The following HNF4G variants were observed in gnomAD, a reference collection of about 807,000 sequenced individuals.
HNF4G encodes hepatocyte nuclear factor 4-gamma.
In HNF4G, 21 loss-of-function variants were observed where a neutral mutation model predicts 50.9. The observed-to-expected ratio is 0.41, with a 90% CI of 0.29 to 0.59. The LOEUF is 0.59. Ranked by LOEUF, HNF4G falls within the 20% of genes least tolerant of loss-of-function variation. The pLI, the probability that HNF4G is intolerant of heterozygous loss-of-function variation, is 0.26. For synonymous variants in HNF4G, 198 were observed against 185.6 expected (o/e 1.07, Z -0.54); for missense variants, 527 against 559.4 (o/e 0.94, Z 0.58).
intron 4 of HNF4G, 22 bp from the exon 5 acceptor site, chr8:75,553,020 A>G: frequency 6.4e-7 from 1 of 1,572,794 alleles, no homozygotes; most frequent in Admixed American, 1.8e-5. Flanking sequence ...AAATGATAAT[A>G]TAATGCTTTT....
chr8:75,519,576 G>A (rs1036249995), intron 2 of HNF4G, among the ~76,000 whole-genome samples: 2 of 152,190 alleles, frequency 1.3e-5, no homozygotes, highest in African/African-American at 4.8e-5. Flanking sequence ...AATGGCAAAT[G>A]AGGAGCAAAG....
At chr8:75,408,748 G>A (rs774762411) in intron 1 of HNF4G, among the ~76,000 whole-genome samples, 2 of 152,192 alleles carry the variant, frequency 1.3e-5, no homozygotes, top group African/African-American at 2.4e-5. Flanking sequence ...GCTCGGAACT[G>A]AGTCAAAGCA....
chr8:75,523,015 A>G (rs1335656601), intron 2 of HNF4G, among the ~76,000 whole-genome samples: 2 of 152,082 alleles, frequency 1.3e-5, no homozygotes, highest in East Asian at 3.9e-4. Flanking sequence ...TCACGAGGTC[A>G]GGAGATCGAG....
In HNF4G at chr8:75,565,613, T is replaced by C. The variant is rs1807441387; in HGVS notation, c.*1517T>C. On this transcript the variant is annotated 3_prime_UTR_variant, in exon 10 of 10. Transcript: ENST00000396423. ...CATGATGCAGTGGCTCCTCTCTGGT[T>C]GAGGAGAGGGAAAATTGGAAAAACT... is the stretch of plus-strand genomic sequence containing the variant. The C allele has an allele frequency of 6.6e-6, 1 of 152,078 alleles. No individual in the cohort carries two copies. The highest frequency in any genetic ancestry group is 1.5e-5 in the Non-Finnish European group (1 of 68,004). The allele number at this position is 152,078 out of a possible 1,614,324, so 9.4% of individuals were successfully genotyped here.
chr8:75,558,635 AT>A lies in HNF4G; in HGVS notation c.852del (p.Tyr284Ter). 6.2e-7 allele frequency: 1 copy of A among 1,613,918 alleles called. No individual in the cohort carries two copies. Among genetic ancestry groups the A allele is most frequent in the Non-Finnish European group, 8.5e-7 (1 of 1,179,914 alleles). ...GAAATCCAGATTGATGACAATGAGT[AT>A]GCTTGTTTAAAGGCAATTGTATTTT... Reference protein sequence around the residue: ...FQEIQIDDNEYACLKAIVFFD... With the variant: ...FQEIQIDDNEXACLKAIVFFD... On this transcript the variant is annotated frameshift_variant, in exon 7 of 10. Coordinates refer to ENST00000396423, the MANE Select transcript of HNF4G (RefSeq NM_004133.5). LOFTEE classifies it high-confidence loss of function.
intron 1 of HNF4G, among the ~76,000 whole-genome samples, chr8:75,437,278 A>G (rs1811162015): frequency 6.6e-6 from 1 of 152,238 alleles, no homozygotes; most frequent in Non-Finnish European, 1.5e-5. Flanking sequence ...CTATAATTAG[A>G]GAAAAGTAAG....
intron 1 of HNF4G, among the ~76,000 whole-genome samples, chr8:75,430,474 T>TAGAGAGAGAGAGAGAG (rs66481707): frequency 7.4e-6 from 1 of 136,048 alleles, no homozygotes; most frequent in African/African-American, 2.8e-5. Context: ...GGGTAGGGAG[T>TAGAGAGAGAGAGAGAG]AGAGAGAGAG....
intron 2 of HNF4G, among the ~76,000 whole-genome samples, chr8:75,514,704 A>G (rs187426656): frequency 9.9e-5 from 15 of 152,220 alleles, no homozygotes; most frequent in Admixed American, 9.8e-4. Context: ...TAAATAAATA[A>G]AGCAGGGTTT....
At chr8:75,484,498 C>T (rs1488221623) in intron 1 of HNF4G, among the ~76,000 whole-genome samples, 1 of 152,216 alleles carries the variant, frequency 6.6e-6, no homozygotes, top group Non-Finnish European at 1.5e-5. Flanking sequence ...TGCCTGGCTA[C>T]TTCTTCAGGT....
intron 1 of HNF4G, among the ~76,000 whole-genome samples, chr8:75,487,314 C>G (rs1346808762): frequency 6.6e-6 from 1 of 151,896 alleles, no homozygotes; most frequent in Non-Finnish European, 1.5e-5. Context: ...TAGAAGCTGC[C>G]ATGTTTAAGA....
intron 1 of HNF4G, among the ~76,000 whole-genome samples, chr8:75,445,108 A>G (rs1437858110): frequency 6.9e-6 from 1 of 144,968 alleles, no homozygotes; most frequent in Non-Finnish European, 1.5e-5. Context: ...TCAAACTAGA[A>G]CTCAGGATTA....
rs1039161047 is a variant in HNF4G at position 75,516,367 on chromosome 8, G to A, written c.-24+26159G>A. ...TTGTTGATTTAATATCCCAACATAA[G>A]AGGACTTTTTCCAGGTATCTTTTTA... is the stretch of plus-strand genomic sequence containing the variant. On this transcript the variant is annotated intron_variant, in intron 2 of 10. Transcript: ENST00000354370. Among the ~76,000 whole-genome samples the A allele has an allele frequency of 3.3e-5, 5 of 152,074 alleles. 1 individual carries two copies. The highest frequency in any genetic ancestry group is 3.3e-4 in the Admixed American group (5 of 15,274).
chr8:75,488,440 T>G (rs1812545195), intron 1 of HNF4G, among the ~76,000 whole-genome samples: 1 of 142,224 alleles, frequency 7.0e-6, no homozygotes, highest in Admixed American at 6.9e-5. Flanking sequence ...TGCCTGGCTA[T>G]TTTTTTTTTG....
rs1563532168 is a variant in HNF4G at position 75,504,257 on chromosome 8, ACACACACACACAC to A, written c.-24+14050_-24+14062del. Among the ~76,000 whole-genome samples, 499 of 151,558 alleles carry A rather than the reference ACACACACACACAC, an allele frequency of 3.3e-3. 5 individuals carry two copies. The highest frequency in any genetic ancestry group is 0.011 in the African/African-American group (473 of 41,310). On this transcript the variant is annotated intron_variant, in intron 2 of 10. Transcript: ENST00000354370. ...CACACACACACACACACACACACACACACACACACACACACACACCAAAAACAACAACAAAAAA... is the reference window on the plus strand; with the variant it reads ...CACACACACACACACACACACACACAACACACCAAAAACAACAACAAAAAA...
At chr8:75,553,295 A>C in intron 5 of HNF4G, 98 bp downstream of exon 5, 1 of 957,906 alleles carries the variant, frequency 1.0e-6, no homozygotes, top group Non-Finnish European at 1.6e-6. Flanking sequence ...ATTCTATATT[A>C]CTGTATTTGG....
intron 2 of HNF4G, among the ~76,000 whole-genome samples, chr8:75,510,211 A>T (rs755918671): frequency 1.8e-4 from 28 of 152,176 alleles, no homozygotes; most frequent in Admixed American, 9.2e-4. Context: ...AGAAATAGAA[A>T]ATGTTTATAG....
chr8:75,514,354 C>CTTT (rs36078375), intron 2 of HNF4G, among the ~76,000 whole-genome samples: 18 of 125,022 alleles, frequency 1.4e-4, no homozygotes, highest in African/African-American at 2.4e-4. Context: ...TTTCTTCTTT[C>CTTT]TTTTTTTTTT....
At chr8:75,539,114 T>G (rs1806541758), upstream of HNF4G, among the ~76,000 whole-genome samples, 1 of 152,100 alleles carries the variant, frequency 6.6e-6, no homozygotes, top group Non-Finnish European at 1.5e-5. Context: ...CTGTGCTATA[T>G]AGATGAGGAT....
chr8:75,467,086 A>G (rs1286699810), intron 1 of HNF4G, among the ~76,000 whole-genome samples: 1 of 152,116 alleles, frequency 6.6e-6, no homozygotes, highest in African/African-American at 2.4e-5. Context: ...GAATATTTTC[A>G]GTCTTACATA....
Sources: gnomAD v4.1 joint callset for allele counts (sites outside exome capture counted in the v4.1 genomes callset) on GRCh38, gnomAD v4.1.1 for gene constraint, MANE v1.5 for transcripts, NCBI Gene and HGNC (gene_info 2026-07-23, HGNC 2026-07-21) for gene names.